KPNA4: variants seen among roughly 807,000 people sequenced by gnomAD.
The protein encoded by KPNA4 is karyopherin subunit alpha 4.
A neutral mutation model predicts 71.3 loss-of-function variants in KPNA4; 13 were observed. That is an observed-to-expected ratio of 0.18 (90% CI 0.12 to 0.29). The LOEUF is 0.29. KPNA4 is among the 10% of genes least tolerant of loss of function. The probability of loss-of-function intolerance (pLI) is 1.00; values close to 1 mark genes in which losing one functional copy is unlikely to be tolerated. For synonymous variants in KPNA4, 189 were observed against 195.2 expected, an observed-to-expected ratio of 0.97 and a Z score of 0.26; for missense variants, 334 against 603.2, an observed-to-expected ratio of 0.55 and a Z score of 4.67.
In KPNA4 at chr3:160,499,700, A is replaced by G. The variant is rs1720839889; in HGVS notation, c.*2404T>C. The G allele has an allele frequency of 6.6e-6, 1 of 152,154 alleles. No homozygotes were observed. The highest frequency in any genetic ancestry group is 1.5e-5 in the Non-Finnish European group (1 of 68,004). The allele number at this position is 152,154 out of a possible 1,614,324, so 9.4% of individuals were successfully genotyped here. ...TACCTATTTTCCATATCACTGTTCT[A>G]TACAATAATTTGTATATAAAATTTG... On this transcript the variant is annotated 3_prime_UTR_variant, in exon 17 of 17. Coordinates refer to ENST00000334256, the MANE Select transcript of KPNA4 (RefSeq NM_002268.5).
At chr3:160,513,973 A>T in intron 13 of KPNA4, 104 bp downstream of exon 13, 1 of 527,922 alleles carries the variant, frequency 1.9e-6, no homozygotes, top group Admixed American at 4.7e-5. Context: ...ATGCCACTGT[A>T]TGGCTTCTAA....
At chr3:160,529,395 G>C (rs1721524738) in intron 7 of KPNA4, among the ~76,000 whole-genome samples, 1 of 151,776 alleles carries the variant, frequency 6.6e-6, no homozygotes, top group Non-Finnish European at 1.5e-5. Flanking sequence ...TTTCCTAAGA[G>C]TCAGCTATAC....
chr3:160,508,213 T>C lies in KPNA4; in HGVS notation c.1266A>G (p.Val422=), dbSNP rs1721024582. The C allele has an allele frequency of 6.2e-7, 1 of 1,612,018 alleles. No individual in the cohort carries two copies. The highest frequency in any genetic ancestry group is 1.1e-5 in the South Asian group (1 of 90,570). Residue 422 remains valine (V), a synonymous_variant, in exon 15 of 17, where the codon GTA becomes GTG. Transcript: ENST00000334256. ...CTACTTGCACAACTTGTGCATCTTT[T>C]ACAGTCAGCAAGTTGCAAAAAGGTG... ...VIPPFCNLLT[V]KDAQVVQVVL... is the part of the protein sequence containing the mutation.
intron 5 of KPNA4, among the ~76,000 whole-genome samples, chr3:160,531,973 G>A (rs1025025207): frequency 6.6e-6 from 1 of 152,084 alleles, no homozygotes; most frequent in African/African-American, 2.4e-5. Context: ...TGTATTTTTA[G>A]TAGAGACGGA....
chr3:160,561,983 G>A (rs1332608670), intron 1 of KPNA4, among the ~76,000 whole-genome samples: 2 of 152,040 alleles, frequency 1.3e-5, no homozygotes, highest in East Asian at 3.8e-4. Context: ...AGAACCATAA[G>A]ACTAAGCGAT....
At chr3:160,520,928 C>G (rs998504905) in intron 11 of KPNA4, among the ~76,000 whole-genome samples, 3 of 152,190 alleles carry the variant, frequency 2.0e-5, no homozygotes, top group African/African-American at 7.2e-5. Context: ...AGCTTAACAG[C>G]TACTGCTTAT....
In KPNA4 at chr3:160,514,399, G is replaced by A. The variant is rs577380239; in HGVS notation, c.1033-218C>T. 4.6e-5 allele frequency among the ~76,000 whole-genome samples: 7 copies of A among 152,202 alleles called. No individual in the cohort carries two copies. In the South Asian group the frequency reaches 6.2e-4, roughly 14 times the overall value. On this transcript the variant is annotated intron_variant, in intron 12 of 16. Transcript: ENST00000334256. ...TCAAATCACAATGAACTAACCCTTCGGAAGAATTATTGAAAACAATGCTCC... is the reference window on the plus strand; with the variant it reads ...TCAAATCACAATGAACTAACCCTTCAGAAGAATTATTGAAAACAATGCTCC...
chr3:160,525,955 T>C lies in KPNA4; in HGVS notation c.709A>G (p.Met237Val), dbSNP rs748061946. 18 of 1,580,066 alleles carry C rather than the reference T, an allele frequency of 1.1e-5. No individual in the cohort carries two copies. Among genetic ancestry groups the C allele is most frequent in the African/African-American group, 2.7e-5 (2 of 73,536 alleles). ...LCRHKDPPPP[M>V]ETIQEILPAL... ...GTGTTTACCTCCTGAATGGTTTCCA[T>C]TGGTGGTGGTGGGTCTTTGTGGCGA... is the stretch of plus-strand genomic sequence containing the variant. Residue 237 changes from methionine to valine, a missense_variant, in exon 9 of 17, where the codon ATG becomes GTG. Coordinates refer to ENST00000334256, the MANE Select transcript of KPNA4 (RefSeq NM_002268.5).
chr3:160,550,938 T>C (rs1166957851), intron 1 of KPNA4, among the ~76,000 whole-genome samples: 1 of 152,218 alleles, frequency 6.6e-6, no homozygotes, highest in Non-Finnish European at 1.5e-5. Flanking sequence ...TTTGCATCCA[T>C]TTTCCTCAAG....
At chr3:160,508,800 A>G (rs1282720779) in intron 14 of KPNA4, among the ~76,000 whole-genome samples, 1 of 152,124 alleles carries the variant, frequency 6.6e-6, no homozygotes, top group Non-Finnish European at 1.5e-5. Context: ...GATTACATGC[A>G]TGAGCCACTG....
intron 1 of KPNA4, among the ~76,000 whole-genome samples, chr3:160,545,378 T>C (rs1054079404): frequency 6.6e-6 from 1 of 151,196 alleles, no homozygotes; most frequent in East Asian, 1.9e-4. Context: ...TTCTGAGTGT[T>C]AAGGAGAAAA....
At chr3:160,503,895 C>A (rs1720932116) in intron 16 of KPNA4, among the ~76,000 whole-genome samples, 1 of 152,074 alleles carries the variant, frequency 6.6e-6, no homozygotes, top group African/African-American at 2.4e-5. Flanking sequence ...TCAGCCAGGG[C>A]AACATAGGGA....
intron 10 of KPNA4, among the ~76,000 whole-genome samples, chr3:160,523,511 G>A (rs1242483561): frequency 6.6e-6 from 1 of 151,990 alleles, no homozygotes; most frequent in Non-Finnish European, 1.5e-5. Context: ...GGAAATTCAA[G>A]AAAGCTCTAA....
In KPNA4 at chr3:160,528,376, G is replaced by GT. The variant is rs199749011; in HGVS notation, c.470-338dup. Reference sequence around the variant, plus strand: ...ACATTATTGAAGTAACTTTTTTTTTGTTTTTTTGAGACGGAGTCTCACTCT... The same window carrying GT: ...ACATTATTGAAGTAACTTTTTTTTTGTTTTTTTTGAGACGGAGTCTCACTCT... On this transcript the variant is annotated intron_variant, in intron 7 of 16. Transcript: ENST00000334256. Among the ~76,000 whole-genome samples, 407 of 149,274 alleles carry GT rather than the reference G, an allele frequency of 2.7e-3. 1 individual carries two copies. In the East Asian group the frequency reaches 0.036, roughly 13 times the overall value.
At position 160,498,049 on chromosome 3, in the gene KPNA4, G is replaced by A. The variant is rs1163077061; in HGVS notation, c.*4055C>T. On this transcript the variant is annotated 3_prime_UTR_variant, in exon 17 of 17. Coordinates refer to ENST00000334256, the MANE Select transcript of KPNA4 (RefSeq NM_002268.5). ...TAGATTACCTTTAGAATAGTAATTA[G>A]AAGCCCTGGGCAGTATGGGAGTTGA... The A allele has an allele frequency of 2.0e-5, 3 of 152,124 alleles. No individual in the cohort carries two copies. The highest frequency in any genetic ancestry group is 2.0e-4 in the Admixed American group (3 of 15,266). The allele number at this position is 152,124 out of a possible 1,614,324, so 9.4% of individuals were successfully genotyped here.
rs182282933 is a variant in KPNA4 at position 160,501,796 on chromosome 3, G to C, written c.*308C>G. 2 of 155,330 alleles carry C rather than the reference G, an allele frequency of 1.3e-5. No homozygotes were observed. The highest frequency in any genetic ancestry group is 4.8e-5 in the African/African-American group (2 of 41,492). 9.6% of individuals were successfully genotyped at this position (155,330 alleles called of 1,614,324 possible). A position where few individuals can be genotyped will look rare whatever the true frequency, so the allele number is the denominator to read the frequency against. On this transcript the variant is annotated 3_prime_UTR_variant, in exon 17 of 17. Coordinates refer to ENST00000334256, the MANE Select transcript of KPNA4 (RefSeq NM_002268.5). ...TCAATGTTCTTTCTCAGGCACTGAC[G>C]ATCTGTGACCTGTAGCCCTTTTTAC...
chr3:160,519,084 ATC>A (rs147111659), intron 11 of KPNA4, among the ~76,000 whole-genome samples: 21,736 of 152,100 alleles, frequency 0.14, 2,079 homozygotes, highest in Non-Finnish European at 0.21. Context: ...GGATTTTAAG[ATC>A]TGTTTGTAAA....
At chr3:160,514,491 G>A (rs543014064) in intron 12 of KPNA4, among the ~76,000 whole-genome samples, 1 of 152,272 alleles carries the variant, frequency 6.6e-6, no homozygotes, top group African/African-American at 2.4e-5. Flanking sequence ...AATAATGAAT[G>A]AGCAAATATG....
intron 15 of KPNA4, among the ~76,000 whole-genome samples, chr3:160,506,422 G>A (rs1351185709): frequency 2.6e-5 from 4 of 151,978 alleles, no homozygotes; most frequent in Non-Finnish European, 5.9e-5. Flanking sequence ...TGCCCGCCTC[G>A]GGCCTCCCAA....
Sources: gnomAD v4.1 joint callset for allele counts (sites outside exome capture counted in the v4.1 genomes callset) on GRCh38, gnomAD v4.1.1 for gene constraint, MANE v1.5 for transcripts, NCBI Gene and HGNC (gene_info 2026-07-23, HGNC 2026-07-21) for gene names.